The following PIBF1 variants were observed in gnomAD, a reference collection of about 807,000 sequenced individuals.
The protein encoded by PIBF1 is progesterone-induced-blocking factor 1.
PIBF1 carries 90 observed loss-of-function variants against 112.5 expected under a neutral mutation model. The observed-to-expected ratio is 0.80, with a 90% CI of 0.67 to 0.95. PIBF1 has a LOEUF of 0.95. PIBF1 is among the 40% of genes least tolerant of loss of function. PIBF1 has a pLI of 0.00. For missense variants in PIBF1, 915 were observed against 852.3 expected (o/e 1.07, Z -0.92); for synonymous variants, 301 against 288.6 (o/e 1.04, Z -0.44).
intron 11 of PIBF1, among the ~76,000 whole-genome samples, chr13:72,898,348 A>G (rs1274801385): frequency 6.6e-6 from 1 of 151,258 alleles, no homozygotes; most frequent in Non-Finnish European, 1.5e-5. Context: ...CTAAACACCT[A>G]CATCAAAAAG....
At chr13:72,949,873 G>A (rs2042252028) in intron 14 of PIBF1, among the ~76,000 whole-genome samples, 1 of 152,070 alleles carries the variant, frequency 6.6e-6, no homozygotes, top group Non-Finnish European at 1.5e-5. Flanking sequence ...TCTTATGGAA[G>A]CCTTCATGAA....
chr13:72,890,158 G>C (rs1001625529), intron 10 of PIBF1, among the ~76,000 whole-genome samples: 1 of 152,034 alleles, frequency 6.6e-6, no homozygotes, highest in Non-Finnish European at 1.5e-5. Context: ...ATGAAAACCT[G>C]TTATTTGATG....
chr13:72,986,430 T>C (rs2043289400), intron 16 of PIBF1, among the ~76,000 whole-genome samples: 1 of 152,130 alleles, frequency 6.6e-6, no homozygotes, highest in African/African-American at 2.4e-5. Context: ...AAGTCAACAA[T>C]AGCAGTAGAT....
intron 10 of PIBF1, among the ~76,000 whole-genome samples, chr13:72,889,729 C>CT (rs369614675): frequency 1.3e-5 from 2 of 152,268 alleles, no homozygotes; most frequent in East Asian, 3.9e-4. Flanking sequence ...AGCTGCTGCA[C>CT]TATCTTACTT....
At chr13:72,797,099 A>G (rs1264113886) in intron 4 of PIBF1, among the ~76,000 whole-genome samples, 2 of 152,152 alleles carry the variant, frequency 1.3e-5, no homozygotes, top group African/African-American at 4.8e-5. Context: ...GACAAGTATG[A>G]GTGGAAAGAG....
chr13:72,844,558 A>C (rs571347684), intron 9 of PIBF1, among the ~76,000 whole-genome samples: 1 of 151,020 alleles, frequency 6.6e-6, no homozygotes, highest in Non-Finnish European at 1.5e-5. Flanking sequence ...TCATTGTTCA[A>C]CTCCCACTTA....
chr13:72,908,253 C>G (rs1000212032), intron 11 of PIBF1, among the ~76,000 whole-genome samples: 1 of 151,948 alleles, frequency 6.6e-6, no homozygotes, highest in Non-Finnish European at 1.5e-5. Context: ...CAAGCAAATG[C>G]TAATATTACT....
intron 13 of PIBF1, among the ~76,000 whole-genome samples, chr13:72,922,623 A>T (rs2138720609): frequency 6.6e-6 from 1 of 152,324 alleles, no homozygotes; most frequent in Admixed American, 6.5e-5. Flanking sequence ...CTCTCGTTTT[A>T]TAAAAAGCTT....
intron 16 of PIBF1, among the ~76,000 whole-genome samples, chr13:72,985,136 T>G (rs2043243958): frequency 6.6e-6 from 1 of 151,992 alleles, no homozygotes; most frequent in South Asian, 2.1e-4. Context: ...TAGTAGCAGC[T>G]TATAACAAAC....
At chr13:72,925,813 A>T (rs1566454952) in intron 13 of PIBF1, among the ~76,000 whole-genome samples, 1 of 152,044 alleles carries the variant, frequency 6.6e-6, no homozygotes, top group Non-Finnish European at 1.5e-5. Context: ...AAGTGCTGGG[A>T]TTATAGGCAT....
chr13:72,950,850 C>T (rs1260697151), intron 14 of PIBF1, among the ~76,000 whole-genome samples: 2 of 152,096 alleles, frequency 1.3e-5, no homozygotes, highest in African/African-American at 2.4e-5. Context: ...TAGAACCTAA[C>T]GGGTTATATG....
chr13:72,841,735 C>T (rs1263410455), intron 9 of PIBF1, among the ~76,000 whole-genome samples: 1 of 152,084 alleles, frequency 6.6e-6, no homozygotes, highest in East Asian at 1.9e-4. Flanking sequence ...ATGCCATTTG[C>T]ACTCCACCCT....
At chr13:72,979,785 G>T (rs1279573098) in intron 16 of PIBF1, among the ~76,000 whole-genome samples, 2 of 152,116 alleles carry the variant, frequency 1.3e-5, no homozygotes, top group Non-Finnish European at 2.9e-5. Flanking sequence ...AGCCAGGCAT[G>T]GTGGTGGGCG....
At chr13:72,790,476 TCACACACACCCTTATAGATAGATCA>T (rs2034851944) in intron 2 of PIBF1, among the ~76,000 whole-genome samples, 1 of 135,048 alleles carries the variant, frequency 7.4e-6, no homozygotes, top group African/African-American at 3.0e-5. Flanking sequence ...TATAGATAGA[TCACACACACCCTTATAGATAGATCA>T]CACACACACA....
At chr13:72,873,462 G>A (rs994375089) in intron 10 of PIBF1, among the ~76,000 whole-genome samples, 1 of 152,034 alleles carries the variant, frequency 6.6e-6, no homozygotes, top group African/African-American at 2.4e-5. Flanking sequence ...GCTGCAGTGG[G>A]CACGATCTCT....
chr13:72,998,176 A>T (rs964245032), intron 16 of PIBF1, among the ~76,000 whole-genome samples: 1 of 152,190 alleles, frequency 6.6e-6, no homozygotes, highest in African/African-American at 2.4e-5. Context: ...ACAGTTTAAA[A>T]GAAGAAGAGA....
intron 17 of PIBF1, among the ~76,000 whole-genome samples, chr13:73,002,983 CAAAAAAA>C (rs1161228077): frequency 2.1e-4 from 12 of 57,518 alleles, no homozygotes; most frequent in South Asian, 1.1e-3. Context: ...ACTCTGGTCT[CAAAAAAA>C]AAAAAAAAAA....
intron 5 of PIBF1, among the ~76,000 whole-genome samples, chr13:72,801,102 A>G (rs1321565347): frequency 2.0e-5 from 3 of 152,118 alleles, no homozygotes; most frequent in African/African-American, 7.2e-5. Flanking sequence ...AGGGTGGAGG[A>G]GGATAGTTGT....
intron 11 of PIBF1, among the ~76,000 whole-genome samples, chr13:72,906,306 G>T (rs1408940262): frequency 3.9e-5 from 6 of 151,902 alleles, no homozygotes; most frequent in African/African-American, 1.4e-4. Context: ...TTATAATTTT[G>T]TATTATCATT....
Sources: gnomAD v4.1 joint callset for allele counts (sites outside exome capture counted in the v4.1 genomes callset) on GRCh38, gnomAD v4.1.1 for gene constraint, MANE v1.5 for transcripts, NCBI Gene and HGNC (gene_info 2026-07-23, HGNC 2026-07-21) for gene names.